The following PKD1 variants were observed in gnomAD, a reference collection of about 807,000 sequenced individuals.
PKD1 encodes polycystin-1.
Under a neutral mutation model 361.7 loss-of-function variants are expected in PKD1, and 81 were observed. The ratio of observed to expected loss-of-function variants is 0.22; its 90% CI spans 0.19 to 0.27. The LOEUF (loss-of-function observed/expected upper bound fraction) is 0.27, where lower values mean the gene tolerates loss of function less well. PKD1 is among the 10% of genes least tolerant of loss of function. PKD1 has a pLI of 1.00. For synonymous variants in PKD1, 3,615 were observed against 2,818.3 expected, an observed-to-expected ratio of 1.28 and a Z score of -8.95; for missense variants, 6,399 against 6,118.3, an observed-to-expected ratio of 1.05 and a Z score of -1.53.
intron 1 of PKD1, among the ~76,000 whole-genome samples, chr16:2,126,625 G>A (rs938147801): frequency 2.6e-5 from 4 of 152,282 alleles, no homozygotes; most frequent in Non-Finnish European, 4.4e-5. Flanking sequence ...AGACGTGCCC[G>A]GCCTCAGCCA....
chr16:2,096,508 G>A (rs1396260760), intron 34 of PKD1, among the ~76,000 whole-genome samples: 1 of 152,016 alleles, frequency 6.6e-6, no homozygotes, highest in Non-Finnish European at 1.5e-5. Flanking sequence ...AAACAACCAA[G>A]AAATTGAGGA....
rs2092473438 is a variant in PKD1 at position 2,110,484 on chromosome 16, G to A, written c.4683C>T (p.Pro1561=). Residue 1561 remains proline, a synonymous_variant, in exon 15 of 46, where the codon CCC becomes CCT. Coordinates refer to ENST00000262304, the MANE Select transcript of PKD1 (RefSeq NM_001009944.3). ...LVVNASRTVV[P]LNGSVSFSTS... ...TGCTGAAGCTCACGCTCCCATTCAG[G>A]GGCACCACCGTGCGGCTTGCATTGA... is the stretch of plus-strand genomic sequence containing the variant. 1 of 1,612,434 alleles carries A rather than the reference G, an allele frequency of 6.2e-7. No homozygotes were observed. Among genetic ancestry groups the A allele is most frequent in the African/African-American group, 1.3e-5 (1 of 75,034 alleles).
Position 2,118,557 on chromosome 16 carries a change from G to C in PKD1, c.530-95C>G, listed in dbSNP as rs896584910. 16 of 1,146,068 alleles carry C rather than the reference G, an allele frequency of 1.4e-5. No individual in the cohort carries two copies. The highest frequency in any genetic ancestry group is 2.0e-5 in the Non-Finnish European group (16 of 792,802). 71.0% of individuals were successfully genotyped at this position (1,146,068 alleles called of 1,614,324 possible). ...CGCCGCACTCACAGGCTCCCATGCT[G>C]TTCCCTTGGCCCGGAGGCCCCCCCC... On this transcript the variant is annotated intron_variant, in intron 4 of 45. Coordinates refer to ENST00000262304, the MANE Select transcript of PKD1 (RefSeq NM_001009944.3). The surrounding 1 kb of genome is among the most constrained non-coding windows in gnomAD (Gnocchi z 6.0).
At chr16:2,105,004 GAGGAGGGGAGGGGCTAGGGGAGGGA>G (rs1477707441) in intron 21 of PKD1, among the ~76,000 whole-genome samples, 122 of 109,192 alleles carry the variant, frequency 1.1e-3, no homozygotes, top group Non-Finnish European at 2.0e-3. Context: ...TAGGGGAGGG[GAGGAGGGGAGGGGCTAGGGGAGGGA>G]AGGGGGAGGG....
chr16:2,104,992 G>C (rs1472060147), intron 21 of PKD1, among the ~76,000 whole-genome samples: 1 of 95,442 alleles, frequency 1.0e-5, no homozygotes, highest in Non-Finnish European at 2.2e-5. Context: ...GAGGGGAAGG[G>C]CTAGGGGAGG....
intron 38 of PKD1, 33 bp from the exon 39 acceptor site, chr16:2,092,625 T>C: frequency 6.9e-7 from 1 of 1,443,580 alleles, no homozygotes; most frequent in Non-Finnish European, 9.7e-7. Flanking sequence ...CTCCAGCCCC[T>C]ACTGCCCCAT....
intron 43 of PKD1, 28 bp downstream of exon 43, chr16:2,090,856 G>A (rs1304377697): frequency 2.5e-6 from 4 of 1,608,572 alleles, no homozygotes; most frequent in South Asian, 1.1e-5. Flanking sequence ...TGTGCGCCCA[G>A]CCCCGCGCCC....
chr16:2,133,636 C>A (rs1373278899), intron 1 of PKD1, among the ~76,000 whole-genome samples: 1 of 152,174 alleles, frequency 6.6e-6, no homozygotes, highest in East Asian at 1.9e-4. Context: ...TCACATCCTT[C>A]CTAAGGCCCT....
chr16:2,090,029 G>C lies in PKD1; in HGVS notation c.12610C>G (p.Leu4204Val). 2.5e-6 allele frequency: 4 copies of C among 1,610,830 alleles called. No individual in the cohort carries two copies. Among genetic ancestry groups the C allele is most frequent in the South Asian group, 1.1e-5 (1 of 90,900 alleles). ...LDGLSVSLGR[L>V]GTRCEPEPSR... Reference sequence around the variant, plus strand: ...GGCTCAGGCTCACACCTTGTCCCCAGCCGGCCCAGGCTCACGCTCAGCCCA... The same window carrying C: ...GGCTCAGGCTCACACCTTGTCCCCACCCGGCCCAGGCTCACGCTCAGCCCA... Residue 4204 changes from leucine (L) to valine (V), a missense_variant, in exon 46 of 46, where the codon CTG becomes GTG. Coordinates refer to ENST00000262304, the MANE Select transcript of PKD1 (RefSeq NM_001009944.3).
intron 1 of PKD1, among the ~76,000 whole-genome samples, chr16:2,122,594 C>A (rs186504695): frequency 6.6e-6 from 1 of 152,236 alleles, no homozygotes; most frequent in East Asian, 1.9e-4. Context: ...CAGCAAGAGG[C>A]CATTCTCGAG....
chr16:2,134,705 CAG>C (rs1290072850), intron 1 of PKD1, among the ~76,000 whole-genome samples: 2 of 148,292 alleles, frequency 1.3e-5, no homozygotes, highest in African/African-American at 2.5e-5. Context: ...CTCGGATGGT[CAG>C]AGTCAGGATT....
intron 34 of PKD1, among the ~76,000 whole-genome samples, chr16:2,095,610 G>A (rs1328544665): frequency 2.6e-5 from 4 of 152,204 alleles, no homozygotes; most frequent in Admixed American, 1.3e-4. Context: ...AGGGAAGGCC[G>A]TGCTCTGCGT....
chr16:2,105,075 C>T (rs1478675676), intron 21 of PKD1, among the ~76,000 whole-genome samples: 3 of 113,952 alleles, frequency 2.6e-5, no homozygotes, highest in African/African-American at 1.0e-4. Context: ...AGAGCAGCAT[C>T]TTCTTAGTCC....
intron 1 of PKD1, among the ~76,000 whole-genome samples, chr16:2,134,779 A>T (rs1218741902): frequency 6.7e-6 from 1 of 149,752 alleles, no homozygotes; most frequent in African/African-American, 2.5e-5. Flanking sequence ...GTCTCCATAA[A>T]GGCCACCTGT....
chr16:2,097,997 G>A lies in PKD1; in HGVS notation c.10051-13C>T, dbSNP rs771762655. 3.3e-6 allele frequency: 5 copies of A among 1,513,698 alleles called. No individual in the cohort carries two copies. The highest frequency in any genetic ancestry group is 1.4e-5 in the African/African-American group (1 of 73,014). 93.8% of individuals were successfully genotyped at this position (1,513,698 alleles called of 1,614,324 possible). A position where few individuals can be genotyped will look rare whatever the true frequency, so the allele number is the denominator to read the frequency against. On this transcript the variant is annotated splice_polypyrimidine_tract_variant and intron_variant, in intron 30 of 45. Transcript: ENST00000262304. ...GGCTCCCAGCCACCTGCAGGACGAG[G>A]GCAGTGGTCAGCGGGCGGCAGCTCA... is the stretch of plus-strand genomic sequence containing the variant.
At position 2,097,516 on chromosome 16, in the gene PKD1, C is replaced by T. The variant is rs376520284; in HGVS notation, c.10221-13G>A. On this transcript the variant is annotated splice_polypyrimidine_tract_variant and intron_variant, in intron 32 of 45. Coordinates refer to ENST00000262304, the MANE Select transcript of PKD1 (RefSeq NM_001009944.3). ...CCAGCACACCAGACTGCAGGTGGCGCGGGTCAGCAAGGTACCAGGGGATGT... is the reference window on the plus strand; with the variant it reads ...CCAGCACACCAGACTGCAGGTGGCGTGGGTCAGCAAGGTACCAGGGGATGT... The T allele has an allele frequency of 7.4e-5, 118 of 1,601,460 alleles. No individual in the cohort carries two copies. Among genetic ancestry groups the T allele is most frequent in the Middle Eastern group, 4.4e-4 (2 of 4,544 alleles).
Position 2,106,557 on chromosome 16 carries a change from A to G in PKD1, c.7330T>C (p.Tyr2444His). ...CCCAGCACCGTGAGCGTGAAGGTGT[A>G]TCCCTCGCCGTCCCGCAGCACGCCC... ...RRGVLRDGEGYTFTLTVLGRS... is the reference protein window; with the variant it reads ...RRGVLRDGEGHTFTLTVLGRS... The change falls in exon 18 of 46, where the codon TAC (tyrosine) becomes CAC (histidine). Residue 2444 changes from tyrosine (Y) to histidine (H), a missense_variant. By Grantham distance (83) the Tyr-to-His change is moderately conservative. Transcript: ENST00000262304. This position sits in a 1 kb window ranked among gnomAD's most constrained non-coding sequence, Gnocchi z 6.5. 1 of 1,596,612 alleles carries G rather than the reference A, an allele frequency of 6.3e-7. No homozygotes were observed. The highest frequency in any genetic ancestry group is 8.5e-7 in the Non-Finnish European group (1 of 1,179,042).
rs1308219514 is a variant in PKD1 at position 2,118,238 on chromosome 16, G to A, written c.754C>T (p.Pro252Ser). 16 of 1,531,466 alleles carry A rather than the reference G, an allele frequency of 1.0e-5. No individual in the cohort carries two copies. The South Asian group carries it at 1.3e-4, about 12-fold the overall frequency. The allele number at this position is 1,531,466 out of a possible 1,614,324, so 94.9% of individuals were successfully genotyped here. ...FACLSLCSGP[P>S]PPPAPTCRGP... ...CTACAGGTGGGGGCAGGAGGTGGCG[G>A]GGGGCCGGAGCAGAGGGACAGGCAG... The change falls in exon 5 of 46, where the codon CCG (proline) becomes TCG (serine). Residue 252 changes from proline (P) to serine (S), a missense_variant. Coordinates refer to ENST00000262304, the MANE Select transcript of PKD1 (RefSeq NM_001009944.3). The surrounding 1 kb of genome is among the most constrained non-coding windows in gnomAD (Gnocchi z 6.0).
At chr16:2,096,262 C>T (rs1204518058) in intron 34 of PKD1, among the ~76,000 whole-genome samples, 3 of 152,242 alleles carry the variant, frequency 2.0e-5, no homozygotes, top group East Asian at 3.8e-4. Context: ...CCTGTGGCTC[C>T]GGGGCACCGC....
Sources: allele counts gnomAD v4.1 joint callset (sites outside exome capture counted in the v4.1 genomes callset), GRCh38; gene constraint gnomAD v4.1.1; non-coding constraint Gnocchi (gnomAD v3.1); transcripts MANE v1.5; gene names NCBI Gene and HGNC (gene_info 2026-07-23, HGNC 2026-07-21).